The following ADK variants were observed in gnomAD, a reference collection of about 807,000 sequenced individuals.
ADK encodes the protein N6,N6-dimethyladenosine kinase.
ADK carries 24 observed loss-of-function variants against 44.7 expected under a neutral mutation model. That is an observed-to-expected ratio of 0.54 (90% CI 0.39 to 0.76). The LOEUF (loss-of-function observed/expected upper bound fraction) is 0.76, where lower values mean the gene tolerates loss of function less well. Among genes scored for constraint, ADK ranks in the 30% least tolerant of loss-of-function variants. The probability of loss-of-function intolerance (pLI) is 0.00; values close to 1 mark genes in which losing one functional copy is unlikely to be tolerated. For synonymous variants in ADK, 128 were observed against 142.6 expected (o/e 0.90, Z 0.73); for missense variants, 321 against 425.1 (o/e 0.76, Z 2.15).
chr10:74,253,584 G>A (rs539640695), intron 3 of ADK, among the ~76,000 whole-genome samples: 1 of 152,124 alleles, frequency 6.6e-6, no homozygotes, highest in Admixed American at 6.5e-5. Flanking sequence ...TTGTGGTAGA[G>A]GTAGAGGAAG....
intron 6 of ADK, among the ~76,000 whole-genome samples, chr10:74,477,170 C>T (rs914290037): frequency 6.6e-6 from 1 of 152,058 alleles, no homozygotes; most frequent in Non-Finnish European, 1.5e-5. Context: ...ACATTTAGAT[C>T]TGTAACTTCA....
intron 3 of ADK, among the ~76,000 whole-genome samples, chr10:74,258,811 T>C (rs1845921732): frequency 6.6e-6 from 1 of 152,202 alleles, no homozygotes; most frequent in African/African-American, 2.4e-5. Context: ...ATAATAGTTT[T>C]GTGCTCTACC....
At chr10:74,212,320 A>C (rs533530860) in intron 2 of ADK, among the ~76,000 whole-genome samples, 1 of 152,306 alleles carries the variant, frequency 6.6e-6, no homozygotes, top group East Asian at 1.9e-4. Context: ...AGCTCAACAC[A>C]CACTTTTTGG....
chr10:74,594,004 A>T (rs1462601587), intron 8 of ADK, among the ~76,000 whole-genome samples: 1 of 152,116 alleles, frequency 6.6e-6, no homozygotes, highest in Non-Finnish European at 1.5e-5. Flanking sequence ...CTTGTTCTAG[A>T]TCCTTTAGGA....
At chr10:74,520,671 T>G (rs527843127) in intron 6 of ADK, among the ~76,000 whole-genome samples, 1 of 152,206 alleles carries the variant, frequency 6.6e-6, no homozygotes, top group South Asian at 2.1e-4. Context: ...CCCTCACGTT[T>G]AGACTACTCT....
rs1845163884 is a variant in ADK, at chr10:74,240,396, G to GTGTGTGTC, written c.194+15810_194+15811insGTCTGTGT. Among the ~76,000 whole-genome samples the GTGTGTGTC allele has an allele frequency of 4.0e-5, 6 of 148,658 alleles. No homozygotes were observed. In the South Asian group the frequency reaches 1.0e-3, roughly 26 times the overall value. ...TTTGTGTGTGTGTGTGTGTGTGTGTGTGTGTCTGTGTGTGTGTGTGTTTTA... is the reference window on the plus strand; with the variant it reads ...TTTGTGTGTGTGTGTGTGTGTGTGTGTGTGTGTCTGTGTCTGTGTGTGTGTGTGTTTTA... On this transcript the variant is annotated intron_variant, in intron 3 of 10. Coordinates refer to ENST00000539909, the MANE Select transcript of ADK (RefSeq NM_006721.4).
intron 10 of ADK, among the ~76,000 whole-genome samples, chr10:74,699,963 G>A (rs1461414643): frequency 6.6e-6 from 1 of 152,042 alleles, no homozygotes; most frequent in Non-Finnish European, 1.5e-5. Flanking sequence ...CCTCTATGAA[G>A]GAGAATCACT....
intron 3 of ADK, among the ~76,000 whole-genome samples, chr10:74,245,612 A>G (rs1311074220): frequency 7.0e-6 from 1 of 142,520 alleles, no homozygotes; most frequent in Non-Finnish European, 1.5e-5. Context: ...TTTTTTTGAG[A>G]CAGAGTCTTA....
intron 7 of ADK, among the ~76,000 whole-genome samples, chr10:74,545,313 T>A (rs1014463191): frequency 2.0e-5 from 3 of 152,184 alleles, no homozygotes; most frequent in Non-Finnish European, 4.4e-5. Context: ...CTGCGGTATG[T>A]TTTCACGTAT....
chr10:74,293,195 G>GAAAAAAAAAAAAAAAAAAAAA (rs1839687546), intron 3 of ADK, among the ~76,000 whole-genome samples: 1 of 135,384 alleles, frequency 7.4e-6, no homozygotes, highest in African/African-American at 2.8e-5. Flanking sequence ...AAAAAAAAAG[G>GAAAAAAAAAAAAAAAAAAAAA]AAATATTATT....
intron 7 of ADK, among the ~76,000 whole-genome samples, chr10:74,555,998 A>T (rs7078624): frequency 7.7e-4 from 118 of 152,340 alleles, no homozygotes; most frequent in African/African-American, 2.4e-3. Context: ...TTCTCTAAGA[A>T]GCAAACTGGG....
At position 74,159,071 on chromosome 10, in the gene ADK, G is replaced by A. The variant is rs887422391; in HGVS notation, c.65+7728G>A. Among the ~76,000 whole-genome samples the A allele has an allele frequency of 3.9e-5, 6 of 152,280 alleles. No individual in the cohort carries two copies. The South Asian group carries it at 1.0e-3, about 26-fold the overall frequency. On this transcript the variant is annotated intron_variant, in intron 1 of 10. Transcript: ENST00000539909. Reference sequence around the variant, plus strand: ...TTAGAGTTTTTGCTCTCATTTATGTGTATTATTTCTGATGTTGTTTGTACT... The same window carrying A: ...TTAGAGTTTTTGCTCTCATTTATGTATATTATTTCTGATGTTGTTTGTACT...
chr10:74,427,683 G>A (rs939200224), intron 6 of ADK, among the ~76,000 whole-genome samples: 1 of 151,876 alleles, frequency 6.6e-6, no homozygotes, highest in African/African-American at 2.4e-5. Flanking sequence ...GTGTGTGTAT[G>A]TATCTGTTGA....
At chr10:74,321,566 C>G (rs2131822916) in intron 4 of ADK, among the ~76,000 whole-genome samples, 1 of 152,254 alleles carries the variant, frequency 6.6e-6, no homozygotes, top group Middle Eastern at 3.4e-3. Context: ...TTAGCAGATC[C>G]TTATTTCTGT....
At chr10:74,534,410 TCAC>T (rs773990393) in intron 7 of ADK, among the ~76,000 whole-genome samples, 8 of 152,344 alleles carry the variant, frequency 5.3e-5, no homozygotes, top group Admixed American at 2.0e-4. Flanking sequence ...TATTTTTTGA[TCAC>T]CATATATGAA....
At chr10:74,522,282 G>A (rs1221276342) in intron 6 of ADK, among the ~76,000 whole-genome samples, 1 of 152,156 alleles carries the variant, frequency 6.6e-6, no homozygotes, top group Non-Finnish European at 1.5e-5. Context: ...GTTGAAGGAT[G>A]TGGAAGCCAG....
chr10:74,294,690 G>C (rs1315398514), intron 3 of ADK, among the ~76,000 whole-genome samples: 1 of 152,194 alleles, frequency 6.6e-6, no homozygotes, highest in East Asian at 1.9e-4. Flanking sequence ...TAAACTGGCA[G>C]TGGTATATCA....
At chr10:74,455,667 GC>G (rs1294025333) in intron 6 of ADK, among the ~76,000 whole-genome samples, 1 of 151,994 alleles carries the variant, frequency 6.6e-6, no homozygotes, top group African/African-American at 2.4e-5. Context: ...GCGCCACCAC[GC>G]CCAGCTAATT....
chr10:74,545,957 G>A (rs1849806063), intron 7 of ADK, among the ~76,000 whole-genome samples: 1 of 152,104 alleles, frequency 6.6e-6, no homozygotes, highest in South Asian at 2.1e-4. Flanking sequence ...CTTACATGAG[G>A]AAAGACAGGT....
Sources: gnomAD v4.1 joint callset for allele counts (sites outside exome capture counted in the v4.1 genomes callset) on GRCh38, gnomAD v4.1.1 for gene constraint, MANE v1.5 for transcripts, NCBI Gene and HGNC (gene_info 2026-07-23, HGNC 2026-07-21) for gene names.